Variants in SYT1 observed in about 807,000 individuals in gnomAD.
The protein encoded by SYT1 is synaptotagmin 1.
SYT1 carries 8 observed loss-of-function variants against 44.8 expected under a neutral mutation model. The ratio of observed to expected loss-of-function variants is 0.18; its 90% CI spans 0.10 to 0.32. The LOEUF (loss-of-function observed/expected upper bound fraction) is 0.32. SYT1 is among the 10% of genes least tolerant of loss of function. SYT1 has a pLI of 1.00. For synonymous variants in SYT1, 154 were observed against 188.8 expected (o/e 0.82, Z 1.51); for missense variants, 286 against 509.3 (o/e 0.56, Z 4.22).
intron 9 of SYT1, among the ~76,000 whole-genome samples, chr12:79,389,817 C>A (rs1254944272): frequency 6.6e-6 from 1 of 152,144 alleles, no homozygotes; most frequent in Admixed American, 6.5e-5. Context: ...CTCAATTTCC[C>A]AGCTCTGTAG....
At chr12:79,342,375 G>A (rs1471357851) in intron 8 of SYT1, among the ~76,000 whole-genome samples, 1 of 151,916 alleles carries the variant, frequency 6.6e-6, no homozygotes, top group African/African-American at 2.4e-5. Context: ...GGAACCACAG[G>A]CATGCACCAC....
chr12:78,940,889 TTC>T (rs937584574), intron 1 of SYT1, among the ~76,000 whole-genome samples: 5 of 152,086 alleles, frequency 3.3e-5, no homozygotes, highest in Non-Finnish European at 5.9e-5. Context: ...CAACAATACT[TTC>T]TGTTTCAGAA....
chr12:79,227,324 G>A (rs1464104898), intron 4 of SYT1, among the ~76,000 whole-genome samples: 1 of 151,946 alleles, frequency 6.6e-6, no homozygotes, highest in East Asian at 1.9e-4. Flanking sequence ...AAGCAGACAA[G>A]GTTTTTTAGA....
At chr12:78,890,370 C>G (rs1361277741) in intron 1 of SYT1, among the ~76,000 whole-genome samples, 1 of 151,734 alleles carries the variant, frequency 6.6e-6, no homozygotes, top group East Asian at 2.0e-4. Flanking sequence ...TGGGGAACAT[C>G]ACACACTGGG....
At chr12:79,253,660 A>G (rs1361432443) in intron 4 of SYT1, among the ~76,000 whole-genome samples, 1 of 152,202 alleles carries the variant, frequency 6.6e-6, no homozygotes, top group Non-Finnish European at 1.5e-5. Flanking sequence ...AAAGCCAGGA[A>G]TGATTAGGCT....
chr12:79,423,504 T>C (rs947502798), intron 9 of SYT1, among the ~76,000 whole-genome samples: 5 of 152,064 alleles, frequency 3.3e-5, no homozygotes, highest in Admixed American at 6.6e-5. Context: ...CTTTAAGACA[T>C]AGACAAACAC....
chr12:79,272,315 G>A (rs910630432), intron 4 of SYT1, among the ~76,000 whole-genome samples: 4 of 152,112 alleles, frequency 2.6e-5, no homozygotes, highest in Non-Finnish European at 4.4e-5. Context: ...ATTATATATT[G>A]GAAAGTTTTA....
rs535490806 is a variant in SYT1 at position 79,013,647 on chromosome 12, C to G, written c.-83-33650C>G. Among the ~76,000 whole-genome samples the G allele has an allele frequency of 2.6e-5, 4 of 152,196 alleles. No homozygotes were observed. The South Asian group carries it at 8.3e-4, about 32-fold the overall frequency. On this transcript the variant is annotated intron_variant, in intron 2 of 10. Coordinates refer to ENST00000261205, the MANE Select transcript of SYT1 (RefSeq NM_005639.3). Reference sequence around the variant, plus strand: ...CCTAGGAGGTCTTAATAAAAATATCCAATCCAGTCCAGTTATAGAAAACAA... The same window carrying G: ...CCTAGGAGGTCTTAATAAAAATATCGAATCCAGTCCAGTTATAGAAAACAA...
chr12:79,294,848 A>G (rs1330672348), intron 6 of SYT1, among the ~76,000 whole-genome samples: 1 of 151,916 alleles, frequency 6.6e-6, no homozygotes, highest in African/African-American at 2.4e-5. Context: ...TTGTTTACCT[A>G]CAATCTAGCA....
intron 4 of SYT1, among the ~76,000 whole-genome samples, chr12:79,229,626 C>G (rs1167646318): frequency 1.3e-5 from 2 of 150,566 alleles, no homozygotes; most frequent in East Asian, 3.9e-4. Context: ...CAGAGTTTTG[C>G]TTTGTCGCCC....
chr12:79,079,010 C>T (rs1876851448), intron 3 of SYT1, among the ~76,000 whole-genome samples: 2 of 152,034 alleles, frequency 1.3e-5, no homozygotes, highest in Non-Finnish European at 2.9e-5. Flanking sequence ...GCATGAGATC[C>T]ACCTAAAAAT....
chr12:79,012,712 T>C (rs532512286), intron 2 of SYT1, among the ~76,000 whole-genome samples: 24 of 152,286 alleles, frequency 1.6e-4, no homozygotes, highest in Non-Finnish European at 3.2e-4. Context: ...CAGCCAGCTG[T>C]CTACAAACAA....
chr12:79,413,550 C>T (rs1402323945), intron 9 of SYT1, among the ~76,000 whole-genome samples: 1 of 152,160 alleles, frequency 6.6e-6, no homozygotes, highest in Non-Finnish European at 1.5e-5. Context: ...CACAATATGC[C>T]AAATAGCTGT....
chr12:79,012,414 C>T (rs1420249154), intron 2 of SYT1, among the ~76,000 whole-genome samples: 1 of 152,152 alleles, frequency 6.6e-6, no homozygotes, highest in Non-Finnish European at 1.5e-5. Flanking sequence ...TGATATCTTA[C>T]TTTTTGACCA....
chr12:79,437,743 A>G (rs553016739), intron 9 of SYT1, among the ~76,000 whole-genome samples: 1 of 152,310 alleles, frequency 6.6e-6, no homozygotes, highest in African/African-American at 2.4e-5. Context: ...ATTGCATTCC[A>G]GTGCCAGATT....
intron 3 of SYT1, among the ~76,000 whole-genome samples, chr12:79,177,840 GTCT>G (rs1195675934): frequency 8.0e-6 from 1 of 124,972 alleles, no homozygotes; most frequent in African/African-American, 3.3e-5. Context: ...CTGCATAAAT[GTCT>G]TCTTTTGAGA....
At chr12:79,323,054 C>G (rs1179521710) in intron 8 of SYT1, among the ~76,000 whole-genome samples, 1 of 151,784 alleles carries the variant, frequency 6.6e-6, no homozygotes, top group Non-Finnish European at 1.5e-5. Flanking sequence ...TATTTAAAAG[C>G]AAAGCCATGG....
intron 10 of SYT1, 49 bp downstream of exon 10, chr12:79,444,255 A>T (rs1169585844): frequency 6.2e-7 from 1 of 1,605,366 alleles, no homozygotes; most frequent in Non-Finnish European, 8.5e-7. Context: ...ATTCCTTCAG[A>T]CCACATAAAT....
At chr12:79,374,332 C>T (rs912459177) in intron 9 of SYT1, among the ~76,000 whole-genome samples, 2 of 152,054 alleles carry the variant, frequency 1.3e-5, no homozygotes, top group Non-Finnish European at 2.9e-5. Flanking sequence ...AACCAAAAGT[C>T]GGCCAGCAAA....
Sources: gnomAD v4.1 joint callset for allele counts (sites outside exome capture counted in the v4.1 genomes callset) on GRCh38, gnomAD v4.1.1 for gene constraint, MANE v1.5 for transcripts, NCBI Gene and HGNC (gene_info 2026-07-23, HGNC 2026-07-21) for gene names.